The following LPAR4 variants were observed in gnomAD, a reference collection of about 807,000 sequenced individuals.
The protein encoded by LPAR4 is G-protein coupled receptor 23.
Under a neutral mutation model 9.2 loss-of-function variants are expected in LPAR4, and 14 were observed. The observed-to-expected ratio is 1.51, with a 90% CI of 1.00 to 2.37. The LOEUF is 2.37. LPAR4 is among the 30% of genes most tolerant of loss of function. The pLI, the probability that LPAR4 is intolerant of heterozygous loss-of-function variation, is 0.00. For missense variants in LPAR4, 251 were observed against 272.1 expected (o/e 0.92, Z 0.55); for synonymous variants, 131 against 97.9 (o/e 1.34, Z -1.99).
rs569900559 is a variant in LPAR4, at chrX:78,747,895, T to TAAAAAAA, written c.-409_-403dup. 1.3e-3 allele frequency: 52 copies of TAAAAAAA among 40,855 alleles called. 1 individual carries two copies. The highest frequency in any genetic ancestry group is 5.6e-3 in the African/African-American group (52 of 9,329). 3.4% of individuals were successfully genotyped at this position (40,855 alleles called of 1,213,427 possible). On this transcript the variant is annotated 5_prime_UTR_variant, in exon 1 of 5. The change creates a new upstream start codon in the 5' untranslated region. Coordinates refer to ENST00000614823, the MANE Select transcript of LPAR4 (RefSeq NM_001278000.3). ...TTTAGGCTGGGCTAACCTTTCCCTGTAAAAAAAAAAAAAAAAAAAAAAAAA... is the reference window on the plus strand; with the variant it reads ...TTTAGGCTGGGCTAACCTTTCCCTGTAAAAAAAAAAAAAAAAAAAAAAAAAAAAAAAA...
intron 1 of LPAR4, among the ~76,000 whole-genome samples, chrX:78,748,647 G>T (rs991837351): frequency 1.8e-5 from 2 of 111,725 alleles, no homozygotes; most frequent in Non-Finnish European, 3.8e-5. Context: ...CAGTAAAAAG[G>T]TCTTATTGAG....
chrX:78,749,667 G>C (rs1924971438), intron 1 of LPAR4, among the ~76,000 whole-genome samples: 1 of 111,511 alleles, frequency 9.0e-6, no homozygotes, highest in Non-Finnish European at 1.9e-5. Context: ...CTTTCTCTGT[G>C]ATTCTTAGCT....
chrX:78,755,686 G>T lies in LPAR4; in HGVS notation c.817G>T (p.Ala273Ser). The T allele has an allele frequency of 8.3e-7, 1 of 1,209,663 alleles. No individual in the cohort carries two copies. Among genetic ancestry groups the T allele is most frequent in the African/African-American group, 1.7e-5 (1 of 57,643 alleles). The stretch of plus-strand genomic sequence containing the variant: ...CTACAACTCTGTCCTCTTCTTGTAT[G>T]CCCTGGTGCGCTCCCAAGCTATTAC... ...VPYNSVLFLY[A>S]LVRSQAITNC... is the part of the protein sequence containing the mutation. Residue 273 changes from alanine (A) to serine (S), a missense_variant, in exon 5 of 5, where the codon GCC (alanine) becomes TCC (serine). Physicochemically the swap from Ala to Ser is moderately conservative, Grantham distance 99. Coordinates refer to ENST00000614823, the MANE Select transcript of LPAR4 (RefSeq NM_001278000.3).
Position 78,755,676 on chromosome X carries a change from C to G in LPAR4, c.807C>G (p.Leu269=), listed in dbSNP as rs1925263158. 1 of 1,207,802 alleles carries G rather than the reference C, an allele frequency of 8.3e-7. No homozygotes were observed. The change falls in exon 5 of 5, where the codon CTC becomes CTG. Residue 269 remains leucine, a synonymous_variant. Transcript: ENST00000614823. ...VVCFVPYNSV[L]FLYALVRSQA... The stretch of plus-strand genomic sequence containing the variant: ...GCTTTGTACCCTACAACTCTGTCCT[C>G]TTCTTGTATGCCCTGGTGCGCTCCC...
Position 78,755,876 on chromosome X carries a change from C to T in LPAR4, c.1007C>T (p.Thr336Ile), listed in dbSNP as rs1301131668. The T allele has an allele frequency of 8.3e-7, 1 of 1,207,714 alleles. No homozygotes were observed. The highest frequency in any genetic ancestry group is 1.8e-5 in the African/African-American group (1 of 57,061). ...AHIRMESLFK[T>I]ETPLTTKPSL... ...ATCAGAATGGAGTCCCTGTTTAAGA[C>T]TGAAACACCTTTGACCACAAAGCCT... The change falls in exon 5 of 5, where the codon ACT becomes ATT. Residue 336 changes from threonine (T) to isoleucine (I), a missense_variant. Physicochemically the swap from Thr to Ile is moderately conservative, Grantham distance 89. Coordinates refer to ENST00000614823, the MANE Select transcript of LPAR4 (RefSeq NM_001278000.3).
At chrX:78,751,049 A>G (rs1277181021) in intron 3 of LPAR4, among the ~76,000 whole-genome samples, 161 bp from the exon 4 acceptor site, 1 of 111,823 alleles carries the variant, frequency 8.9e-6, no homozygotes, top group Non-Finnish European at 1.9e-5. Flanking sequence ...TGTAAATACC[A>G]TTTTAAAATT....
At chrX:78,752,640 TA>T (rs887571669) in intron 4 of LPAR4, among the ~76,000 whole-genome samples, 6 of 111,621 alleles carry the variant, frequency 5.4e-5, no homozygotes, top group African/African-American at 2.0e-4. Flanking sequence ...CTGCGCTTAT[TA>T]AAAATGGAGC....
In LPAR4 at chrX:78,754,944, T is replaced by C. The variant is rs760086150; in HGVS notation, c.75T>C (p.Ala25=). Residue 25 remains alanine, a synonymous_variant, in exon 5 of 5, where the codon GCT becomes GCC. Transcript: ENST00000614823. ...NSSLRPRLGN[A]TANNTCIVDD... ...GCCTCAGACCCAGGTTGGGCAATGC[T>C]ACTGCCAATAATACTTGCATTGTTG... is the stretch of plus-strand genomic sequence containing the variant. 3 of 1,204,392 alleles carry C rather than the reference T, an allele frequency of 2.5e-6. No individual in the cohort carries two copies. The highest frequency in any genetic ancestry group is 2.2e-5 in the Admixed American group (1 of 45,935).
chrX:78,748,403 C>A (rs1021561744), intron 1 of LPAR4, among the ~76,000 whole-genome samples: 3 of 111,831 alleles, frequency 2.7e-5, no homozygotes, highest in Non-Finnish European at 5.6e-5. Flanking sequence ...GATGAGGTTT[C>A]TTCTAGTAAA....
At chrX:78,749,337 T>A (rs12157038) in intron 1 of LPAR4, 19,705 of 111,112 alleles carry the variant, frequency 0.18, 1,462 homozygotes, top group Middle Eastern at 0.31. Context: ...ACCTGTAATG[T>A]GTTTGCGAAT....
At position 78,755,899 on chromosome X, in the gene LPAR4, C is replaced by G; in HGVS notation, c.1030C>G (p.Pro344Ala). The G allele has an allele frequency of 8.3e-7, 1 of 1,206,590 alleles. No individual in the cohort carries two copies. Among genetic ancestry groups the G allele is most frequent in the Non-Finnish European group, 1.1e-6 (1 of 891,025 alleles). The change falls in exon 5 of 5, where the codon CCT (proline) becomes GCT (alanine). Residue 344 changes from proline (P) to alanine (A), a missense_variant. Coordinates refer to ENST00000614823, the MANE Select transcript of LPAR4 (RefSeq NM_001278000.3). ...FKTETPLTTK[P>A]SLPAIQEEVS... ...GACTGAAACACCTTTGACCACAAAG[C>G]CTTCCCTTCCAGCTATTCAAGAGGA...
rs1925391931 is a variant in LPAR4 at position 78,758,300 on chromosome X, ATCTTTTGTTTCTT to A, written c.*2321_*2333del. On this transcript the variant is annotated 3_prime_UTR_variant, in exon 5 of 5. Coordinates refer to ENST00000614823, the MANE Select transcript of LPAR4 (RefSeq NM_001278000.3). Reference sequence around the variant, plus strand: ...CAAATCAGTAATAAAAGCGTGAATAATCTTTTGTTTCTTTCAGTATTCATGTTTTTCCATTTCT... The same window carrying A: ...CAAATCAGTAATAAAAGCGTGAATAATCAGTATTCATGTTTTTCCATTTCT... Among the ~76,000 whole-genome samples, 1 of 111,604 alleles carries A rather than the reference ATCTTTTGTTTCTT, an allele frequency of 9.0e-6. No individual in the cohort carries two copies. Among genetic ancestry groups the A allele is most frequent in the Admixed American group, 9.5e-5 (1 of 10,498 alleles).
In LPAR4 at chrX:78,754,792, A is replaced by T; in HGVS notation, c.-78A>T. ...TTTGTTCCATCTTGTCTCTCATAGG[A>T]GGAAAATATTTCCTACCGGTCCATA... On this transcript the variant is annotated splice_region_variant and 5_prime_UTR_variant, in exon 5 of 5. Coordinates refer to ENST00000614823, the MANE Select transcript of LPAR4 (RefSeq NM_001278000.3). 2 of 869,994 alleles carry T rather than the reference A, an allele frequency of 2.3e-6. No homozygotes were observed. The highest frequency in any genetic ancestry group is 3.2e-6 in the Non-Finnish European group (2 of 627,406). 71.7% of individuals were successfully genotyped at this position (869,994 alleles called of 1,213,427 possible).
In LPAR4 at chrX:78,756,022, A is replaced by G. The variant is rs1925278080; in HGVS notation, c.*40A>G. On this transcript the variant is annotated 3_prime_UTR_variant, in exon 5 of 5. Coordinates refer to ENST00000614823, the MANE Select transcript of LPAR4 (RefSeq NM_001278000.3). ...TTCAGGTCCAGATATGGTTTCTCCT[A>G]TAATTTTTCCTATGCTATAAACTAA... 3.7e-6 allele frequency: 4 copies of G among 1,089,954 alleles called. No individual in the cohort carries two copies. Among genetic ancestry groups the G allele is most frequent in the Middle Eastern group, 2.6e-4 (1 of 3,882 alleles). 89.8% of individuals were successfully genotyped at this position (1,089,954 alleles called of 1,213,427 possible). A position where few individuals can be genotyped will look rare whatever the true frequency, so the allele number is the denominator to read the frequency against.
At chrX:78,753,000 A>C (rs1253945510) in intron 4 of LPAR4, among the ~76,000 whole-genome samples, 2 of 108,683 alleles carry the variant, frequency 1.8e-5, no homozygotes, top group African/African-American at 6.7e-5. Flanking sequence ...GATTGAAGTT[A>C]AAAGTTGAGG....
Position 78,755,713 on chromosome X carries a change from A to G in LPAR4, c.844A>G (p.Asn282Asp). The change falls in exon 5 of 5, where the codon AAT becomes GAT. Residue 282 changes from asparagine (N) to aspartate (D), a missense_variant. Transcript: ENST00000614823. The stretch of plus-strand genomic sequence containing the variant: ...CCTGGTGCGCTCCCAAGCTATTACT[A>G]ATTGCTTTTTGGAAAGATTTGCAAA... ...YALVRSQAIT[N>D]CFLERFAKIM... 8.3e-7 allele frequency: 1 copy of G among 1,210,376 alleles called. No homozygotes were observed. The highest frequency in any genetic ancestry group is 1.1e-6 in the Non-Finnish European group (1 of 894,826).
chrX:78,755,104 A>G lies in LPAR4; in HGVS notation c.235A>G (p.Thr79Ala). The G allele has an allele frequency of 8.3e-7, 1 of 1,210,514 alleles. No individual in the cohort carries two copies. The highest frequency in any genetic ancestry group is 1.1e-6 in the Non-Finnish European group (1 of 894,723). The change falls in exon 5 of 5, where the codon ACC becomes GCC. Residue 79 changes from threonine (T) to alanine (A), a missense_variant. Coordinates refer to ENST00000614823, the MANE Select transcript of LPAR4 (RefSeq NM_001278000.3). ...KMRSETAIFI[T>A]NLAVSDLLFV... ...GAGAAGTGAGACTGCTATTTTTATCACCAATCTAGCTGTCTCTGATTTGCT... is the reference window on the plus strand; with the variant it reads ...GAGAAGTGAGACTGCTATTTTTATCGCCAATCTAGCTGTCTCTGATTTGCT...
At chrX:78,751,974 TAA>T (rs1925082700) in intron 4 of LPAR4, among the ~76,000 whole-genome samples, 1 of 110,347 alleles carries the variant, frequency 9.1e-6, no homozygotes, top group African/African-American at 3.3e-5. Flanking sequence ...GAAGTGTTAA[TAA>T]GAGACTGAAG....
chrX:78,755,060 TCTGTTTCC>T lies in LPAR4; in HGVS notation c.192_199del (p.Phe64LeufsTer7). The T allele has an allele frequency of 8.3e-7, 1 of 1,209,282 alleles. No individual in the cohort carries two copies. The highest frequency in any genetic ancestry group is 1.1e-6 in the Non-Finnish European group (1 of 893,211). On this transcript the variant is annotated frameshift_variant, in exon 5 of 5. Coordinates refer to ENST00000614823, the MANE Select transcript of LPAR4 (RefSeq NM_001278000.3). LOFTEE classifies it high-confidence loss of function. ...ACCAACAGTGTCTCTCTGTTTGTCT[TCTGTTTCC>T]GCATGAAAATGAGAAGTGAGACTGC... is the stretch of plus-strand genomic sequence containing the variant.
Sources: gnomAD v4.1 joint callset for allele counts (sites outside exome capture counted in the v4.1 genomes callset) on GRCh38, gnomAD v4.1.1 for gene constraint, MANE v1.5 for transcripts, NCBI Gene and HGNC (gene_info 2026-07-23, HGNC 2026-07-21) for gene names.